NKAIN3: variants seen among roughly 807,000 people sequenced by gnomAD.
NKAIN3 encodes sodium/potassium transporting ATPase interacting 3, also known as sodium/potassium-transporting ATPase subunit beta-1-interacting protein 3.
A neutral mutation model predicts 30.2 loss-of-function variants in NKAIN3; 25 were observed. That is an observed-to-expected ratio of 0.83 (90% CI 0.60 to 1.16). The LOEUF is 1.16. NKAIN3 is among the 50% of genes most tolerant of loss of function. The pLI, the probability that NKAIN3 is intolerant of heterozygous loss-of-function variation, is 0.00. For missense variants in NKAIN3, 225 were observed against 254.1 expected, an observed-to-expected ratio of 0.89 and a Z score of 0.78; for synonymous variants, 91 against 89.6, an observed-to-expected ratio of 1.02 and a Z score of -0.09.
intron 1 of NKAIN3, among the ~76,000 whole-genome samples, chr8:62,378,043 G>C (rs1817149927): frequency 6.6e-6 from 1 of 152,134 alleles, no homozygotes; most frequent in Non-Finnish European, 1.5e-5. Flanking sequence ...GAAAAGTTGG[G>C]AACATTTTAG....
intron 4 of NKAIN3, among the ~76,000 whole-genome samples, chr8:62,870,054 G>A (rs1820550578): frequency 1.3e-5 from 2 of 151,550 alleles, no homozygotes; most frequent in Non-Finnish European, 2.9e-5. Flanking sequence ...ACAGGTGTGA[G>A]CCACCGCGCC....
chr8:62,867,798 G>A (rs1820474211), intron 4 of NKAIN3, among the ~76,000 whole-genome samples: 1 of 152,142 alleles, frequency 6.6e-6, no homozygotes, highest in South Asian at 2.1e-4. Context: ...ACCCTTCACT[G>A]GCAGTCTAAA....
intron 4 of NKAIN3, chr8:62,856,891 T>C (rs1820076315): frequency 5.1e-6 from 3 of 586,730 alleles, no homozygotes; most frequent in Middle Eastern, 3.2e-4. Context: ...TTGGATACAC[T>C]GGATGCTCAT....
At chr8:62,995,065 A>G (rs567951633) in intron 5 of NKAIN3, among the ~76,000 whole-genome samples, 5 of 152,336 alleles carry the variant, frequency 3.3e-5, no homozygotes, top group Admixed American at 1.3e-4. Context: ...GAAAAATTTG[A>G]AAAACTACTT....
At chr8:62,519,986 T>C (rs1482926003) in intron 1 of NKAIN3, among the ~76,000 whole-genome samples, 1 of 152,184 alleles carries the variant, frequency 6.6e-6, no homozygotes, top group Non-Finnish European at 1.5e-5. Context: ...TATTTTCCTT[T>C]TTTTTGCAGA....
At chr8:62,736,119 G>T (rs1404444088) in intron 3 of NKAIN3, among the ~76,000 whole-genome samples, 2 of 152,202 alleles carry the variant, frequency 1.3e-5, no homozygotes, top group Admixed American at 6.5e-5. Context: ...GTGTTTGTTG[G>T]CTTCCAGCCA....
At chr8:62,965,213 T>C (rs1823675247) in intron 6 of NKAIN3, 141 bp from the exon 7 acceptor site, 2 of 769,240 alleles carry the variant, frequency 2.6e-6, no homozygotes, top group African/African-American at 3.8e-5. Flanking sequence ...GCCCAAGTCT[T>C]TAACTTTCTT....
At chr8:62,995,642 G>A (rs562337952) in intron 5 of NKAIN3, among the ~76,000 whole-genome samples, 23 of 151,970 alleles carry the variant, frequency 1.5e-4, no homozygotes, top group Non-Finnish European at 2.8e-4. Context: ...AGGAAAGGTA[G>A]GTTGGGAGTT....
At chr8:62,665,812 T>G (rs1813080609) in intron 3 of NKAIN3, among the ~76,000 whole-genome samples, 1 of 152,082 alleles carries the variant, frequency 6.6e-6, no homozygotes, top group South Asian at 2.1e-4. Flanking sequence ...TAAGTTTCCA[T>G]GAGTAGGGGA....
At chr8:62,516,043 A>ATT (rs957533536) in intron 1 of NKAIN3, among the ~76,000 whole-genome samples, 2 of 150,728 alleles carry the variant, frequency 1.3e-5, no homozygotes, top group South Asian at 4.2e-4. Flanking sequence ...AAAAAGCCCC[A>ATT]TTTTTTTTTA....
chr8:62,373,527 A>C (rs888584614), intron 1 of NKAIN3, among the ~76,000 whole-genome samples: 1 of 152,172 alleles, frequency 6.6e-6, no homozygotes, highest in Non-Finnish European at 1.5e-5. Flanking sequence ...CCAGTTTGGA[A>C]ATTTAGAACC....
At chr8:62,948,746 G>A (rs1215214031) in intron 5 of NKAIN3, among the ~76,000 whole-genome samples, 1 of 152,160 alleles carries the variant, frequency 6.6e-6, no homozygotes, top group African/African-American at 2.4e-5. Context: ...TATAAAACCA[G>A]AGGCATTACT....
At chr8:62,397,745 G>A (rs1817809413) in intron 1 of NKAIN3, among the ~76,000 whole-genome samples, 1 of 152,118 alleles carries the variant, frequency 6.6e-6, no homozygotes, top group Non-Finnish European at 1.5e-5. Flanking sequence ...TGGAGTCGGC[G>A]CTACGGCATC....
intron 1 of NKAIN3, among the ~76,000 whole-genome samples, chr8:62,550,439 G>T (rs901579406): frequency 3.3e-5 from 5 of 152,186 alleles, no homozygotes; most frequent in Non-Finnish European, 7.3e-5. Flanking sequence ...GGAGGGAGTT[G>T]TTGTTTTCAG....
intron 4 of NKAIN3, among the ~76,000 whole-genome samples, chr8:62,850,932 T>A (rs145073590): frequency 0.026 from 3,960 of 152,026 alleles, 166 homozygotes; most frequent in African/African-American, 0.09. Flanking sequence ...TTGTCTTGGC[T>A]ATGTGGGGTC....
intron 4 of NKAIN3, among the ~76,000 whole-genome samples, chr8:62,825,971 A>C (rs1819008962): frequency 6.6e-6 from 1 of 152,138 alleles, no homozygotes; most frequent in Non-Finnish European, 1.5e-5. Flanking sequence ...TTTACATGCC[A>C]TGTCAATAGC....
chr8:62,726,384 A>G (rs1815259069), intron 3 of NKAIN3, among the ~76,000 whole-genome samples: 1 of 152,094 alleles, frequency 6.6e-6, no homozygotes, highest in Admixed American at 6.5e-5. Flanking sequence ...ATCTTACAAG[A>G]AAGGCTTTCC....
intron 2 of NKAIN3, among the ~76,000 whole-genome samples, chr8:62,580,531 A>G (rs11786076): frequency 6.6e-6 from 1 of 151,930 alleles, no homozygotes; most frequent in Non-Finnish European, 1.5e-5. Context: ...ATATTGCCTC[A>G]CTAGAAGAAA....
intron 3 of NKAIN3, among the ~76,000 whole-genome samples, chr8:62,689,849 C>T (rs2130439323): frequency 6.6e-6 from 1 of 151,998 alleles, no homozygotes; most frequent in Admixed American, 6.6e-5. Flanking sequence ...CTCAGTTGGA[C>T]CTGAACGAGC....
Sources: allele counts gnomAD v4.1 joint callset (sites outside exome capture counted in the v4.1 genomes callset), GRCh38; gene constraint gnomAD v4.1.1; transcripts MANE v1.5; gene names NCBI Gene and HGNC (gene_info 2026-07-23, HGNC 2026-07-21).